The following FZD6 variants were observed in gnomAD, a reference collection of about 807,000 sequenced individuals.
FZD6 encodes frizzled class receptor 6.
Under a neutral mutation model 61.4 loss-of-function variants are expected in FZD6, and 49 were observed. The ratio of observed to expected loss-of-function variants is 0.80; its 90% CI spans 0.63 to 1.01. The LOEUF is 1.01. Ranked by LOEUF, FZD6 falls within the 50% of genes least tolerant of loss-of-function variation. FZD6 has a pLI of 0.00. For missense variants in FZD6, 724 were observed against 848.2 expected, an observed-to-expected ratio of 0.85 and a Z score of 1.82; for synonymous variants, 265 against 292.2, an observed-to-expected ratio of 0.91 and a Z score of 0.95.
At chr8:103,314,122 G>T (rs1256666467) in intron 2 of FZD6, among the ~76,000 whole-genome samples, 1 of 152,126 alleles carries the variant, frequency 6.6e-6, no homozygotes, top group Non-Finnish European at 1.5e-5. Context: ...CACTGTAAAA[G>T]AATTAAATTA....
intron 3 of FZD6, among the ~76,000 whole-genome samples, chr8:103,319,970 T>C (rs1814734995): frequency 6.6e-6 from 1 of 152,080 alleles, no homozygotes; most frequent in Non-Finnish European, 1.5e-5. Flanking sequence ...GAGGCAAGCA[T>C]ATATGGGGTA....
rs1814119614 is a variant in FZD6 at position 103,300,241 on chromosome 8, T to C, written c.134T>C (p.Leu45Pro). The change falls in exon 2 of 7, where the codon CTG becomes CCG. Residue 45 changes from leucine (L) to proline (P), a missense_variant. By Grantham distance (98) the Leu-to-Pro change is moderately conservative (BLOSUM62 -3). Transcript: ENST00000358755. ...TACAACATGACGTTTTTCCCTAATC[T>C]GATGGGTCATTATGACCAGAGTATT... is the stretch of plus-strand genomic sequence containing the variant. ...MAYNMTFFPN[L>P]MGHYDQSIAA... 3 of 1,612,516 alleles carry C rather than the reference T, an allele frequency of 1.9e-6. No individual in the cohort carries two copies. In the East Asian group the frequency reaches 6.7e-5, roughly 36 times the overall value.
chr8:103,322,482 C>G (rs1814819913), intron 3 of FZD6, among the ~76,000 whole-genome samples: 1 of 151,834 alleles, frequency 6.6e-6, no homozygotes, highest in South Asian at 2.1e-4. Flanking sequence ...TACTGACTGA[C>G]TTGATCATTT....
intron 3 of FZD6, among the ~76,000 whole-genome samples, chr8:103,323,847 A>T (rs375609781): frequency 6.6e-6 from 1 of 152,190 alleles, no homozygotes. Context: ...AGGACTGTCC[A>T]TAAACAAGGG....
chr8:103,300,045 T>A lies in FZD6; in HGVS notation c.-63T>A, dbSNP rs552528993. ...TGAACATTTTATCTTTGGATGGGGA[T>A]CTTCTGAGGATGCAAAGAGTGATTC... On this transcript the variant is annotated 5_prime_UTR_variant, in exon 2 of 7. Coordinates refer to ENST00000358755, the MANE Select transcript of FZD6 (RefSeq NM_003506.4). 1.1e-6 allele frequency: 1 copy of A among 945,956 alleles called. No homozygotes were observed. The highest frequency in any genetic ancestry group is 1.7e-6 in the Non-Finnish European group (1 of 573,188). The allele number at this position is 945,956 out of a possible 1,614,324, so 58.6% of individuals were successfully genotyped here. A position where few individuals can be genotyped will look rare whatever the true frequency, so the allele number is the denominator to read the frequency against.
chr8:103,328,237 T>C (rs1345741270), intron 4 of FZD6, 31 bp from the exon 5 acceptor site: 4 of 1,565,438 alleles, frequency 2.6e-6, no homozygotes, highest in Non-Finnish European at 3.5e-6. Flanking sequence ...AGTGCATCAC[T>C]GAAAATATTA....
intron 2 of FZD6, among the ~76,000 whole-genome samples, chr8:103,305,085 G>C (rs1377990678): frequency 6.6e-6 from 1 of 152,244 alleles, no homozygotes; most frequent in South Asian, 2.1e-4. Context: ...ATGGCTACTG[G>C]TTTTCCATTG....
chr8:103,313,819 C>G (rs993404504), intron 2 of FZD6, among the ~76,000 whole-genome samples: 15 of 148,352 alleles, frequency 1.0e-4, no homozygotes, highest in African/African-American at 1.7e-4. Context: ...AAGGGGGGGG[C>G]CCTGTTTCAA....
At chr8:103,324,453 A>T in intron 3 of FZD6, 28 bp from the exon 4 acceptor site, 2 of 1,235,442 alleles carry the variant, frequency 1.6e-6, no homozygotes, top group Non-Finnish European at 2.3e-6. Flanking sequence ...TGTTGATTTC[A>T]TATATTTAAT....
intron 2 of FZD6, among the ~76,000 whole-genome samples, chr8:103,313,570 A>G (rs1299059823): frequency 6.6e-6 from 1 of 152,198 alleles, no homozygotes; most frequent in Non-Finnish European, 1.5e-5. Context: ...TTAACTTCTT[A>G]TTTAAAGAAA....
At chr8:103,319,616 G>C (rs1026153664) in intron 3 of FZD6, among the ~76,000 whole-genome samples, 2 of 152,190 alleles carry the variant, frequency 1.3e-5, no homozygotes, top group Non-Finnish European at 2.9e-5. Context: ...GCCTTTTCTT[G>C]AGTGCCTCAG....
chr8:103,318,514 T>C, intron 2 of FZD6, 76 bp from the exon 3 acceptor site: 2 of 876,706 alleles, frequency 2.3e-6, no homozygotes, highest in Non-Finnish European at 3.8e-6. Flanking sequence ...AAGCATATAC[T>C]TTAAACAGTA....
intron 2 of FZD6, among the ~76,000 whole-genome samples, chr8:103,309,002 G>C (rs982285769): frequency 6.6e-6 from 1 of 152,160 alleles, no homozygotes; most frequent in Non-Finnish European, 1.5e-5. Context: ...TGTGAAGTCG[G>C]TGATATGTTT....
chr8:103,326,703 ACAAAC>A (rs1310502078), intron 4 of FZD6, among the ~76,000 whole-genome samples: 2 of 147,070 alleles, frequency 1.4e-5, no homozygotes, highest in Non-Finnish European at 3.0e-5. Context: ...ACAAAAAAAA[ACAAAC>A]AAACAATCCA....
intron 3 of FZD6, among the ~76,000 whole-genome samples, chr8:103,323,987 T>C (rs1254865368): frequency 6.6e-6 from 1 of 152,190 alleles, no homozygotes; most frequent in Non-Finnish European, 1.5e-5. Context: ...AGGATCTCAT[T>C]TCATTCATTT....
Position 103,332,332 on chromosome 8 carries a change from C to T in FZD6, c.*823C>T, listed in dbSNP as rs1815165205. The stretch of plus-strand genomic sequence containing the variant: ...TATTAGGCCAAGTGCAATTGACTTC[C>T]CTTTTTTAATGTTTCATGACCACCC... On this transcript the variant is annotated 3_prime_UTR_variant, in exon 7 of 7. Coordinates refer to ENST00000358755, the MANE Select transcript of FZD6 (RefSeq NM_003506.4). 6.6e-6 allele frequency: 1 copy of T among 152,114 alleles called. No homozygotes were observed. 9.4% of individuals were successfully genotyped at this position (152,114 alleles called of 1,614,324 possible). A position where few individuals can be genotyped will look rare whatever the true frequency, so the allele number is the denominator to read the frequency against.
chr8:103,324,729 T>A lies in FZD6; in HGVS notation c.623T>A (p.Phe208Tyr), dbSNP rs1330234377. ...AKSFIGTVSIFCLCATLFTFL... is the reference protein window; with the variant it reads ...AKSFIGTVSIYCLCATLFTFL... Reference sequence around the variant, plus strand: ...AGTTTTATTGGAACAGTTTCAATATTTTGTCTTTGTGCAACTCTGTTCACA... The same window carrying A: ...AGTTTTATTGGAACAGTTTCAATATATTGTCTTTGTGCAACTCTGTTCACA... Residue 208 changes from phenylalanine (F) to tyrosine (Y), a missense_variant, in exon 4 of 7, where the codon TTT (phenylalanine) becomes TAT (tyrosine). Physicochemically the swap from Phe to Tyr is conservative, Grantham distance 22. Coordinates refer to ENST00000358755, the MANE Select transcript of FZD6 (RefSeq NM_003506.4). 4 of 1,614,096 alleles carry A rather than the reference T, an allele frequency of 2.5e-6. No individual in the cohort carries two copies. The highest frequency in any genetic ancestry group is 2.2e-5 in the East Asian group (1 of 44,886).
intron 1 of FZD6, among the ~76,000 whole-genome samples, chr8:103,299,415 A>G (rs1329934627): frequency 6.6e-6 from 1 of 152,220 alleles, no homozygotes; most frequent in Non-Finnish European, 1.5e-5. Context: ...CCTCCTAGCC[A>G]GTGAAAACTG....
intron 2 of FZD6, among the ~76,000 whole-genome samples, chr8:103,308,828 C>A (rs889194355): frequency 3.9e-5 from 6 of 152,156 alleles, no homozygotes; most frequent in African/African-American, 7.2e-5. Flanking sequence ...GATGTTCTCT[C>A]CTGTTTAGTT....
Sources: gnomAD v4.1 joint callset for allele counts (sites outside exome capture counted in the v4.1 genomes callset) on GRCh38, gnomAD v4.1.1 for gene constraint, MANE v1.5 for transcripts, NCBI Gene and HGNC (gene_info 2026-07-23, HGNC 2026-07-21) for gene names.